IGF2BP2: variants seen among roughly 807,000 people sequenced by gnomAD.
The protein encoded by IGF2BP2 is insulin like growth factor 2 mRNA binding protein 2.
IGF2BP2 carries 17 observed loss-of-function variants against 75.8 expected under a neutral mutation model. The observed-to-expected ratio is 0.22, with a 90% CI of 0.15 to 0.34. IGF2BP2 has a LOEUF of 0.34. Ranked by LOEUF, IGF2BP2 falls within the 10% of genes least tolerant of loss-of-function variation. The pLI is 1.00. For missense variants in IGF2BP2, 516 were observed against 772.4 expected, an observed-to-expected ratio of 0.67 and a Z score of 3.93; for synonymous variants, 288 against 295.6, an observed-to-expected ratio of 0.97 and a Z score of 0.26.
At chr3:185,803,814 G>A (rs1473662083) in intron 2 of IGF2BP2, among the ~76,000 whole-genome samples, 7 of 152,196 alleles carry the variant, frequency 4.6e-5, no homozygotes, top group African/African-American at 1.7e-4. Flanking sequence ...GATCATAAAA[G>A]GGAAATAAGC....
chr3:185,818,025 T>C (rs1740833585), intron 2 of IGF2BP2, among the ~76,000 whole-genome samples: 1 of 152,212 alleles, frequency 6.6e-6, no homozygotes, highest in African/African-American at 2.4e-5. Context: ...GATGTTTAAA[T>C]ATAATTTTTA....
chr3:185,676,667 C>T (rs971127222), intron 7 of IGF2BP2, among the ~76,000 whole-genome samples: 6 of 146,888 alleles, frequency 4.1e-5, no homozygotes, highest in Non-Finnish European at 7.4e-5. Context: ...AGAGCAAGAC[C>T]CTGTCTAAAA....
intron 2 of IGF2BP2, among the ~76,000 whole-genome samples, chr3:185,707,087 T>G (rs955910572): frequency 6.6e-6 from 1 of 151,830 alleles, no homozygotes; most frequent in African/African-American, 2.4e-5. Flanking sequence ...TAGTCAGATG[T>G]GGTGGCACAC....
At chr3:185,651,970 C>G in intron 13 of IGF2BP2, 124 bp downstream of exon 13, 2 of 647,150 alleles carry the variant, frequency 3.1e-6, no homozygotes, top group Admixed American at 3.0e-5. Context: ...TGAGCCTGAG[C>G]TTGGTGGGCA....
chr3:185,819,792 G>C (rs570110324), intron 2 of IGF2BP2, among the ~76,000 whole-genome samples: 5 of 152,164 alleles, frequency 3.3e-5, no homozygotes, highest in Non-Finnish European at 7.4e-5. Context: ...TCTGTTTCTA[G>C]AAAATTAAAA....
intron 2 of IGF2BP2, among the ~76,000 whole-genome samples, chr3:185,759,358 G>A (rs749066024): frequency 4.6e-5 from 7 of 152,226 alleles, no homozygotes; most frequent in Non-Finnish European, 5.9e-5. Context: ...TATGTGCATA[G>A]ATTAGTTGAA....
At chr3:185,700,329 C>T (rs1207455456) in intron 2 of IGF2BP2, among the ~76,000 whole-genome samples, 1 of 152,198 alleles carries the variant, frequency 6.6e-6, no homozygotes, top group African/African-American at 2.4e-5. Context: ...ACCATTCTAG[C>T]TCCCATATAC....
intron 2 of IGF2BP2, among the ~76,000 whole-genome samples, chr3:185,804,150 G>A (rs1738658984): frequency 6.6e-6 from 1 of 152,032 alleles, no homozygotes; most frequent in South Asian, 2.1e-4. Context: ...CCAGCTACTC[G>A]GGAGACTGAG....
chr3:185,824,060 A>G (rs1394573466), intron 1 of IGF2BP2, among the ~76,000 whole-genome samples: 1 of 152,094 alleles, frequency 6.6e-6, no homozygotes, highest in African/African-American at 2.4e-5. Flanking sequence ...GTTCTTCTCA[A>G]TAAAATCGGA....
intron 10 of IGF2BP2, among the ~76,000 whole-genome samples, chr3:185,661,748 A>T (rs985967313): frequency 6.6e-6 from 1 of 151,998 alleles, no homozygotes; most frequent in Non-Finnish European, 1.5e-5. Context: ...CACTGTCAGC[A>T]TGGAGCTTGT....
At chr3:185,686,307 C>A (rs1469202129) in intron 7 of IGF2BP2, among the ~76,000 whole-genome samples, 3 of 151,750 alleles carry the variant, frequency 2.0e-5, no homozygotes, top group Admixed American at 6.6e-5. Flanking sequence ...TCACTTGAAC[C>A]CAAGAGGCGG....
rs1442264265 is a variant in IGF2BP2 at position 185,645,874 on chromosome 3, C to T, written c.1708-251G>A. ...GACTCCGGCAGCTTCCAGTTCACTG[C>T]TGGACGGACAGGCCAGGAAGCAGAA... On this transcript the variant is annotated intron_variant, in intron 15 of 15. Coordinates refer to ENST00000382199, the MANE Select transcript of IGF2BP2 (RefSeq NM_006548.6). The surrounding 1 kb of genome is among the most constrained non-coding windows in gnomAD (Gnocchi z 4.9). Among the ~76,000 whole-genome samples the T allele has an allele frequency of 6.6e-6, 1 of 152,168 alleles. No homozygotes were observed. The highest frequency in any genetic ancestry group is 1.5e-5 in the Non-Finnish European group (1 of 68,022).
chr3:185,761,471 C>G (rs1478369992), intron 2 of IGF2BP2, among the ~76,000 whole-genome samples: 1 of 152,342 alleles, frequency 6.6e-6, no homozygotes, highest in African/African-American at 2.4e-5. Context: ...AGAACAAGAA[C>G]TACGGCTTCA....
At chr3:185,672,872 C>A (rs1204176537) in intron 9 of IGF2BP2, among the ~76,000 whole-genome samples, 2 of 152,148 alleles carry the variant, frequency 1.3e-5, no homozygotes, top group African/African-American at 4.8e-5. Context: ...CACACTTGGG[C>A]ATGTCTACAT....
chr3:185,698,209 A>G, intron 3 of IGF2BP2, 90 bp downstream of exon 3: 4 of 1,122,178 alleles, frequency 3.6e-6, no homozygotes, highest in Non-Finnish European at 5.4e-6. Context: ...TTTGTGGGAA[A>G]CACTGAGGCC....
At chr3:185,666,765 GA>G (rs1162816818) in intron 10 of IGF2BP2, among the ~76,000 whole-genome samples, 1 of 151,822 alleles carries the variant, frequency 6.6e-6, no homozygotes, top group Non-Finnish European at 1.5e-5. Flanking sequence ...AAATTAAGTG[GA>G]AAAAAATGTG....
rs183939412 is a variant in IGF2BP2, at chr3:185,808,754, G to A, written c.239+14399C>T. 1.5e-4 allele frequency among the ~76,000 whole-genome samples: 22 copies of A among 150,088 alleles called. No individual in the cohort carries two copies. The East Asian group carries it at 4.3e-3, about 29-fold the overall frequency. ...TTTTTTTTTTTATCATTTTAGTAGA[G>A]ATGGGGTTTTGCCATGTTGGCCAGG... On this transcript the variant is annotated intron_variant, in intron 2 of 15. Transcript: ENST00000382199.
chr3:185,689,549 G>A lies in IGF2BP2; in HGVS notation c.483C>T (p.Ser161=), dbSNP rs765639851. ...GGGCTCGCTGAGGGGGCGAAGGGGAGCTCACCTCTTCATCCGGGATGTAGG... is the reference window on the plus strand; with the variant it reads ...GGGCTCGCTGAGGGGGCGAAGGGGAACTCACCTCTTCATCCGGGATGTAGG... ...KISYIPDEEV[S]SPSPPQRAQR... is the part of the protein sequence containing the mutation. The change falls in exon 6 of 16, where the codon AGC becomes AGT. Residue 161 remains serine, a synonymous_variant. Coordinates refer to ENST00000382199, the MANE Select transcript of IGF2BP2 (RefSeq NM_006548.6). 1.9e-6 allele frequency: 3 copies of A among 1,614,240 alleles called. No individual in the cohort carries two copies. Among genetic ancestry groups the A allele is most frequent in the Non-Finnish European group, 2.5e-6 (3 of 1,180,046 alleles).
chr3:185,758,887 C>G (rs903922760), intron 2 of IGF2BP2, among the ~76,000 whole-genome samples: 1 of 152,150 alleles, frequency 6.6e-6, no homozygotes, highest in South Asian at 2.1e-4. Context: ...TAGAGCTCCA[C>G]GGTAGGAGAT....
Sources: allele counts gnomAD v4.1 joint callset (sites outside exome capture counted in the v4.1 genomes callset), GRCh38; gene constraint gnomAD v4.1.1; non-coding constraint Gnocchi (gnomAD v3.1); transcripts MANE v1.5; gene names NCBI Gene and HGNC (gene_info 2026-07-23, HGNC 2026-07-21).